The following CCSER2 variants were observed in gnomAD, a reference collection of about 807,000 sequenced individuals.
CCSER2 encodes coiled-coil serine rich protein 2.
In CCSER2, 46 loss-of-function variants were observed where a neutral mutation model predicts 92.3. The observed-to-expected ratio is 0.50, with a 90% CI of 0.39 to 0.64. The LOEUF is 0.64. CCSER2 is among the 30% of genes least tolerant of loss of function. The pLI is 0.00. For missense variants in CCSER2, 1,244 were observed against 1,238.9 expected (o/e 1.00, Z -0.06); for synonymous variants, 433 against 431.4 (o/e 1.00, Z -0.04).
intron 8 of CCSER2, among the ~76,000 whole-genome samples, chr10:84,474,662 C>CAAA (rs397844899): frequency 5.3e-4 from 35 of 65,790 alleles, no homozygotes; most frequent in African/African-American, 7.0e-4. Flanking sequence ...GACTCCATCT[C>CAAA]AAAAAAAAAA....
At chr10:84,405,896 G>A (rs11201027) in intron 3 of CCSER2, among the ~76,000 whole-genome samples, 31,984 of 152,140 alleles carry the variant, frequency 0.21, 3,614 homozygotes, top group Admixed American at 0.34. Flanking sequence ...GCAGTTTCTT[G>A]AGAAGTAAAC....
chr10:84,435,301 C>G (rs1043738010), intron 5 of CCSER2, among the ~76,000 whole-genome samples: 1 of 152,106 alleles, frequency 6.6e-6, no homozygotes, highest in Admixed American at 6.5e-5. Flanking sequence ...TTCTTTGTTT[C>G]AGTTAGTGAA....
At chr10:84,443,066 C>A (rs548666649) in intron 6 of CCSER2, among the ~76,000 whole-genome samples, 2 of 152,240 alleles carry the variant, frequency 1.3e-5, no homozygotes, top group South Asian at 4.1e-4. Context: ...CTAGGAAATA[C>A]CATTCAGGAC....
At chr10:84,466,573 C>T (rs1185456533) in intron 7 of CCSER2, among the ~76,000 whole-genome samples, 16 of 150,006 alleles carry the variant, frequency 1.1e-4, no homozygotes, top group Non-Finnish European at 2.4e-4. Flanking sequence ...GGCACAATCT[C>T]GGCTCGCTGC....
chr10:84,457,238 TATATATTATATATTATATAAA>T (rs1845689946), intron 6 of CCSER2, among the ~76,000 whole-genome samples: 4 of 60,904 alleles, frequency 6.6e-5, no homozygotes, highest in Non-Finnish European at 1.2e-4. Context: ...ATAAATATAT[TATATATTATATATTATATAAA>T]ATATATTATA....
At chr10:84,501,834 A>AAAAATATATATATATATAT (rs1167460274) in intron 9 of CCSER2, among the ~76,000 whole-genome samples, 1 of 40,172 alleles carries the variant, frequency 2.5e-5, no homozygotes, top group African/African-American at 4.7e-5. Context: ...AAAAAAAAAA[A>AAAAATATATATATATATAT]ATATATATAT....
chr10:84,500,898 T>G (rs1021525636), intron 9 of CCSER2, among the ~76,000 whole-genome samples: 1 of 152,214 alleles, frequency 6.6e-6, no homozygotes, highest in South Asian at 2.1e-4. Context: ...AAAGAAAATT[T>G]TATTTCTTGA....
intron 3 of CCSER2, chr10:84,389,560 CT>C: frequency 4.1e-6 from 1 of 241,840 alleles, no homozygotes. Flanking sequence ...GTGGCATTGA[CT>C]TTACCTCGAT....
At chr10:84,465,239 T>TTGTG (rs59254139) in intron 7 of CCSER2, among the ~76,000 whole-genome samples, 57 of 106,868 alleles carry the variant, frequency 5.3e-4, no homozygotes, top group Non-Finnish European at 7.8e-4. Flanking sequence ...TTTCCTGAAT[T>TTGTG]TGTGTGTGTG....
chr10:84,345,804 A>G (rs565713337), intron 1 of CCSER2, among the ~76,000 whole-genome samples: 1 of 152,120 alleles, frequency 6.6e-6, no homozygotes, highest in Non-Finnish European at 1.5e-5. Context: ...TATTAATCAT[A>G]TTTTATAAAA....
At chr10:84,451,260 T>TTG (rs1005231324) in intron 6 of CCSER2, among the ~76,000 whole-genome samples, 8 of 150,182 alleles carry the variant, frequency 5.3e-5, no homozygotes, top group Non-Finnish European at 7.4e-5. Flanking sequence ...TTGGGTTTTT[T>TTG]TTTTTTGTTT....
chr10:84,513,995 T>C lies in CCSER2; in HGVS notation c.2872T>C (p.Ser958Pro), dbSNP rs1409563892. The change falls in exon 10 of 10, where the codon TCA becomes CCA. Residue 958 changes from serine to proline, a missense_variant. By Grantham distance (74) the Ser-to-Pro change is moderately conservative. Transcript: ENST00000372088. ...GTCACCAATAATCACAACATGTAAT[T>C]CAGCAAAACTTCAGCCAACATCTAG... ...KKSPIITTCN[S>P]AKLQPTSSQT... 5 of 1,536,556 alleles carry C rather than the reference T, an allele frequency of 3.3e-6. No homozygotes were observed. The Admixed American group carries it at 7.8e-5, about 24-fold the overall frequency.
At chr10:84,409,412 A>G (rs1842536458) in intron 3 of CCSER2, among the ~76,000 whole-genome samples, 1 of 152,134 alleles carries the variant, frequency 6.6e-6, no homozygotes, top group South Asian at 2.1e-4. Context: ...AGTGCTGAGA[A>G]TACAGGCATT....
intron 7 of CCSER2, among the ~76,000 whole-genome samples, chr10:84,467,373 T>C (rs1364748258): frequency 6.6e-6 from 1 of 152,220 alleles, no homozygotes; most frequent in Non-Finnish European, 1.5e-5. Flanking sequence ...TCATGCTTGG[T>C]AATCCAGTTG....
intron 1 of CCSER2, among the ~76,000 whole-genome samples, chr10:84,368,930 AC>A (rs1463861417): frequency 6.6e-6 from 1 of 152,218 alleles, no homozygotes; most frequent in Non-Finnish European, 1.5e-5. Context: ...ACAAGTAAGA[AC>A]ATGTGGTATT....
intron 1 of CCSER2, among the ~76,000 whole-genome samples, chr10:84,364,224 C>T (rs1845660847): frequency 6.6e-6 from 1 of 152,138 alleles, no homozygotes; most frequent in Non-Finnish European, 1.5e-5. Flanking sequence ...TTTATAAACT[C>T]TGTACAAACA....
At chr10:84,442,844 A>G (rs2133540442) in intron 6 of CCSER2, among the ~76,000 whole-genome samples, 1 of 152,340 alleles carries the variant, frequency 6.6e-6, no homozygotes, top group Non-Finnish European at 1.5e-5. Flanking sequence ...ACATTTACAC[A>G]CATTTACAAC....
chr10:84,412,348 TAGTTTTA>T (rs1422807150), intron 3 of CCSER2, among the ~76,000 whole-genome samples: 1 of 152,168 alleles, frequency 6.6e-6, no homozygotes, highest in Non-Finnish European at 1.5e-5. Context: ...TTTTTTTGAA[TAGTTTTA>T]AGTAGAACTG....
At chr10:84,486,448 A>T (rs554777934) in intron 9 of CCSER2, among the ~76,000 whole-genome samples, 124 of 152,334 alleles carry the variant, frequency 8.1e-4, no homozygotes, top group African/African-American at 2.8e-3. Context: ...AACTGGTGTG[A>T]GATGGTATCT....
Sources: allele counts gnomAD v4.1 joint callset (sites outside exome capture counted in the v4.1 genomes callset), GRCh38; gene constraint gnomAD v4.1.1; transcripts MANE v1.5; gene names NCBI Gene and HGNC (gene_info 2026-07-23, HGNC 2026-07-21).